The following ARHGEF18 variants were observed in gnomAD, a reference collection of about 807,000 sequenced individuals.
ARHGEF18 encodes Rho/Rac guanine nucleotide exchange factor 18.
ARHGEF18 carries 93 observed loss-of-function variants against 155.7 expected under a neutral mutation model. The observed-to-expected ratio is 0.60, with a 90% CI of 0.50 to 0.71. The LOEUF is 0.71. Among genes scored for constraint, ARHGEF18 ranks in the 30% least tolerant of loss-of-function variants. ARHGEF18 has a pLI of 0.00. For synonymous variants in ARHGEF18, 742 were observed against 753.1 expected (o/e 0.99, Z 0.24); for missense variants, 1,593 against 1,816.1 (o/e 0.88, Z 2.23).
chr19:7,390,948 G>A (rs953499296), intron 10 of ARHGEF18, among the ~76,000 whole-genome samples: 2 of 152,104 alleles, frequency 1.3e-5, no homozygotes, highest in South Asian at 2.1e-4. Flanking sequence ...ACTGAGGCAG[G>A]AGAATCACTT....
chr19:7,469,915 C>T lies in ARHGEF18; in HGVS notation c.3799C>T (p.Leu1267=). The T allele has an allele frequency of 6.2e-7, 1 of 1,612,928 alleles. No individual in the cohort carries two copies. The highest frequency in any genetic ancestry group is 8.5e-7 in the Non-Finnish European group (1 of 1,179,840). ...CTTCTCTCTTCCAGCGTCCTTCGAC[C>T]TGAAGCAGCAGCTGCTGCTCAACAA... ...QRWESSASFD[L]KQQLLLNKLM... The change falls in exon 28 of 29, where the codon CTG becomes TTG. Residue 1267 remains leucine (L), a synonymous_variant. Coordinates refer to ENST00000668164, the MANE Select transcript of ARHGEF18 (RefSeq NM_001367823.1).
rs536241284 is a variant in ARHGEF18 at position 7,401,239 on chromosome 19, G to A, written c.967+18036G>A. Among the ~76,000 whole-genome samples, 10 of 152,228 alleles carry A rather than the reference G, an allele frequency of 6.6e-5. No individual in the cohort carries two copies. The East Asian group carries it at 1.4e-3, about 21-fold the overall frequency. On this transcript the variant is annotated intron_variant, in intron 10 of 28. Transcript: ENST00000668164. ...GGGTGTGGTGGCCAGTGGTGGGTCC[G>A]TGTGACCCTTTGTGATGTCCACTTG...
chr19:7,406,674 T>A (rs1234357757), intron 10 of ARHGEF18, among the ~76,000 whole-genome samples: 6 of 152,178 alleles, frequency 3.9e-5, no homozygotes, highest in Admixed American at 3.3e-4. Flanking sequence ...AAGCTCACAC[T>A]GTTGCAGTTC....
At chr19:7,425,836 C>T (rs1201247157) in intron 10 of ARHGEF18, among the ~76,000 whole-genome samples, 1 of 151,528 alleles carries the variant, frequency 6.6e-6, no homozygotes, top group Non-Finnish European at 1.5e-5. Flanking sequence ...CCTGTCTCTA[C>T]AAAAAACATA....
intron 17 of ARHGEF18, 37 bp downstream of exon 17, chr19:7,453,752 A>G (rs1975652069): frequency 1.3e-6 from 2 of 1,509,466 alleles, no homozygotes; most frequent in African/African-American, 1.4e-5. Context: ...AGTGGGTGCC[A>G]TCTTGGATCA....
At chr19:7,357,925 C>A (rs1387202763) in intron 1 of ARHGEF18, among the ~76,000 whole-genome samples, 3 of 152,118 alleles carry the variant, frequency 2.0e-5, no homozygotes, top group Non-Finnish European at 2.9e-5. Context: ...GCCTCGCTCA[C>A]CTTGGTTTCC....
downstream of ARHGEF18, chr19:7,477,102 G>A: frequency 8.7e-7 from 1 of 1,150,106 alleles, no homozygotes; most frequent in South Asian, 1.9e-5. Context: ...TTCACCACAG[G>A]CAGCTCCATG....
At chr19:7,359,897 G>A (rs1969475894) in intron 1 of ARHGEF18, among the ~76,000 whole-genome samples, 2 of 152,164 alleles carry the variant, frequency 1.3e-5, no homozygotes, top group Non-Finnish European at 1.5e-5. Flanking sequence ...GCTCATGCCT[G>A]TAATCCCAGC....
At chr19:7,416,757 C>T (rs1973050397) in intron 10 of ARHGEF18, among the ~76,000 whole-genome samples, 1 of 148,812 alleles carries the variant, frequency 6.7e-6, no homozygotes. Flanking sequence ...TGCCCGCCAC[C>T]ACGCCCAGCT....
In ARHGEF18 at chr19:7,458,515, T is replaced by C; in HGVS notation, c.2185T>C (p.Ser729Pro). The change falls in exon 19 of 29, where the codon TCA becomes CCA. Residue 729 changes from serine (S) to proline (P), a missense_variant. Ser to Pro is a moderately conservative substitution (Grantham distance 74, BLOSUM62 -1). Coordinates refer to ENST00000668164, the MANE Select transcript of ARHGEF18 (RefSeq NM_001367823.1). The stretch of plus-strand genomic sequence containing the variant: ...CCAATGCCCTCTACTCATGCAGGAC[T>C]CAAAGCCACCCGTCATCTCGTTACA... The part of the protein sequence containing the change: ...DQKYVFASVD[S>P]KPPVISLQKL... The C allele has an allele frequency of 8.1e-6, 13 of 1,613,864 alleles. No homozygotes were observed. Among genetic ancestry groups the C allele is most frequent in the Non-Finnish European group, 1.1e-5 (13 of 1,179,860 alleles).
chr19:7,354,074 C>T (rs1969223315), intron 1 of ARHGEF18, among the ~76,000 whole-genome samples: 1 of 152,152 alleles, frequency 6.6e-6, no homozygotes, highest in South Asian at 2.1e-4. Flanking sequence ...ACTTTGGAGG[C>T]TGAGCCAGGA....
chr19:7,475,211 G>A (rs544747803), downstream of ARHGEF18, among the ~76,000 whole-genome samples: 8 of 152,262 alleles, frequency 5.3e-5, no homozygotes, highest in Non-Finnish European at 7.4e-5. Context: ...CAGCCTAGGC[G>A]ACAGAGTGAC....
rs914063901 is a variant in ARHGEF18 at position 7,395,008 on chromosome 19, A to C, written c.967+11805A>C. ...GCCCCCTCACCACGGCTCGGGGAGC[A>C]GCAGCCCCAGGTCCCCGGGAGCGCC... On this transcript the variant is annotated intron_variant, in intron 10 of 28. Transcript: ENST00000668164. The surrounding 1 kb of genome is among the most constrained non-coding windows in gnomAD (Gnocchi z 5.0). 1 of 974,520 alleles carries C rather than the reference A, an allele frequency of 1.0e-6. No individual in the cohort carries two copies. Among genetic ancestry groups the C allele is most frequent in the Admixed American group, 6.1e-5 (1 of 16,278 alleles). The allele number at this position is 974,520 out of a possible 1,614,324, so 60.4% of individuals were successfully genotyped here.
rs1171849055 is a variant in ARHGEF18, at chr19:7,406,948, C to A, written c.967+23745C>A. Reference sequence around the variant, plus strand: ...GGCGTGGTGGCGGGCGCCTGTAGTCCCAGCTACTTGGGAGGCTGAGGCAGG... The same window carrying A: ...GGCGTGGTGGCGGGCGCCTGTAGTCACAGCTACTTGGGAGGCTGAGGCAGG... On this transcript the variant is annotated intron_variant, in intron 10 of 28. Transcript: ENST00000668164. Among the ~76,000 whole-genome samples the A allele has an allele frequency of 2.0e-5, 3 of 151,068 alleles. No homozygotes were observed. In the Admixed American group the frequency reaches 2.0e-4, roughly 10 times the overall value.
In ARHGEF18 at chr19:7,378,423, GAA is replaced by G; in HGVS notation, c.575_576del (p.Lys192ArgfsTer45). 1 of 1,234,360 alleles carries G rather than the reference GAA, an allele frequency of 8.1e-7. No homozygotes were observed. Among genetic ancestry groups the G allele is most frequent in the Admixed American group, 4.2e-5 (1 of 23,696 alleles). The allele number at this position is 1,234,360 out of a possible 1,614,324, so 76.5% of individuals were successfully genotyped here. ...GLEPPVLECM[E>X]KDHVEPDHVL... is the part of the protein sequence containing the mutation. ...GGAACCTCCAGTGCTGGAGTGCATG[GAA>G]AAAGACCATGTGGAACCAGATCACG... On this transcript the variant is annotated frameshift_variant, in exon 6 of 29. Coordinates refer to ENST00000668164, the MANE Select transcript of ARHGEF18 (RefSeq NM_001367823.1). LOFTEE classifies it high-confidence loss of function.
chr19:7,392,721 G>GAAAAA (rs112251185), intron 10 of ARHGEF18: 1 of 72,836 alleles, frequency 1.4e-5, no homozygotes. Flanking sequence ...TCTCAAGAAA[G>GAAAAA]AAAAAAAAAA....
chr19:7,350,793 T>G (rs910073756), intron 1 of ARHGEF18, among the ~76,000 whole-genome samples: 1 of 150,378 alleles, frequency 6.6e-6, no homozygotes, highest in African/African-American at 2.5e-5. Context: ...TGTGTGTGTG[T>G]GTGTGTGTGT....
chr19:7,446,745 A>G (rs1020179205), intron 14 of ARHGEF18, among the ~76,000 whole-genome samples: 8 of 151,938 alleles, frequency 5.3e-5, no homozygotes, highest in Middle Eastern at 3.4e-3. Context: ...TGTCTAAAAA[A>G]AATTAGCCAG....
intron 10 of ARHGEF18, among the ~76,000 whole-genome samples, chr19:7,429,418 C>T (rs538260414): frequency 3.9e-5 from 6 of 152,204 alleles, no homozygotes; most frequent in South Asian, 2.1e-4. Context: ...GCTTGGCCAA[C>T]GTGGTGAAAC....
Sources: allele counts gnomAD v4.1 joint callset (sites outside exome capture counted in the v4.1 genomes callset), GRCh38; gene constraint gnomAD v4.1.1; non-coding constraint Gnocchi (gnomAD v3.1); transcripts MANE v1.5; gene names NCBI Gene and HGNC (gene_info 2026-07-23, HGNC 2026-07-21).